Variants in KCND2 observed in about 807,000 individuals in gnomAD.
KCND2 encodes the protein potassium voltage-gated channel subfamily D member 2, also known as A-type voltage-gated potassium channel KCND2.
A neutral mutation model predicts 54.4 loss-of-function variants in KCND2; 16 were observed. The ratio of observed to expected loss-of-function variants is 0.29; its 90% CI spans 0.20 to 0.45. The LOEUF (loss-of-function observed/expected upper bound fraction) is 0.45, where lower values mean the gene tolerates loss of function less well. KCND2 is among the 20% of genes least tolerant of loss of function. The pLI, the probability that KCND2 is intolerant of heterozygous loss-of-function variation, is 1.00. For missense variants in KCND2, 486 were observed against 824.2 expected, an observed-to-expected ratio of 0.59 and a Z score of 5.02; for synonymous variants, 317 against 310.7, an observed-to-expected ratio of 1.02 and a Z score of -0.21.
At chr7:120,322,291 T>C (rs896482208) in intron 1 of KCND2, among the ~76,000 whole-genome samples, 1 of 152,080 alleles carries the variant, frequency 6.6e-6, no homozygotes, top group African/African-American at 2.4e-5. Context: ...TTTAGAAATA[T>C]AATGTAAATC....
At chr7:120,284,753 T>C (rs1395469595) in intron 1 of KCND2, among the ~76,000 whole-genome samples, 1 of 152,152 alleles carries the variant, frequency 6.6e-6, no homozygotes, top group Non-Finnish European at 1.5e-5. Flanking sequence ...CTAAGCTAGA[T>C]TTCTGGAAGA....
intron 1 of KCND2, among the ~76,000 whole-genome samples, chr7:120,729,735 C>A (rs1447106631): frequency 6.6e-6 from 1 of 152,180 alleles, no homozygotes; most frequent in Non-Finnish European, 1.5e-5. Flanking sequence ...TGCAGTCCTG[C>A]CCAGTCCTTG....
chr7:120,577,554 C>CAA (rs1792452224), intron 1 of KCND2, among the ~76,000 whole-genome samples: 1 of 151,934 alleles, frequency 6.6e-6, no homozygotes, highest in African/African-American at 2.4e-5. Context: ...ACAACAACAA[C>CAA]CGCAAACAAA....
intron 1 of KCND2, among the ~76,000 whole-genome samples, chr7:120,315,519 T>C (rs1344083490): frequency 6.6e-6 from 1 of 151,870 alleles, no homozygotes; most frequent in Non-Finnish European, 1.5e-5. Flanking sequence ...TGTATACTTC[T>C]CCAGTGAATC....
chr7:120,343,476 A>G (rs1303745843), intron 1 of KCND2, among the ~76,000 whole-genome samples: 4 of 152,176 alleles, frequency 2.6e-5, no homozygotes, highest in African/African-American at 9.7e-5. Context: ...AAAGGCTGGA[A>G]TACATTTTTT....
At chr7:120,652,339 G>T (rs973354609) in intron 1 of KCND2, among the ~76,000 whole-genome samples, 9 of 152,144 alleles carry the variant, frequency 5.9e-5, no homozygotes, top group African/African-American at 1.9e-4. Context: ...CTCCCAAAGT[G>T]CTGGGATTAC....
chr7:120,546,209 C>G (rs1792040760), intron 1 of KCND2, among the ~76,000 whole-genome samples: 1 of 151,814 alleles, frequency 6.6e-6, no homozygotes, highest in South Asian at 2.1e-4. Flanking sequence ...TTTTGAAAAT[C>G]AAATGTATTA....
chr7:120,321,638 A>G (rs769083621), intron 1 of KCND2, among the ~76,000 whole-genome samples: 12 of 152,136 alleles, frequency 7.9e-5, no homozygotes, highest in Non-Finnish European at 1.2e-4. Flanking sequence ...GTGAAAGTAC[A>G]TTGCATTGTG....
chr7:120,677,856 C>T (rs1792086243), intron 1 of KCND2, among the ~76,000 whole-genome samples: 1 of 152,006 alleles, frequency 6.6e-6, no homozygotes, highest in African/African-American at 2.4e-5. Flanking sequence ...CTAATGTAGG[C>T]TTATGTTTTA....
intron 1 of KCND2, among the ~76,000 whole-genome samples, chr7:120,325,839 T>C (rs538113982): frequency 6.6e-6 from 1 of 152,224 alleles, no homozygotes; most frequent in South Asian, 2.1e-4. Flanking sequence ...TGGGTACTGC[T>C]ATGTGGGGTC....
chr7:120,410,190 C>T (rs1191549854), intron 1 of KCND2, among the ~76,000 whole-genome samples: 2 of 151,930 alleles, frequency 1.3e-5, no homozygotes, highest in Non-Finnish European at 2.9e-5. Context: ...TGAAAATCAA[C>T]TGACCAAATG....
intron 1 of KCND2, among the ~76,000 whole-genome samples, chr7:120,555,817 T>A (rs779984784): frequency 7.9e-5 from 12 of 152,206 alleles, no homozygotes; most frequent in Non-Finnish European, 1.6e-4. Context: ...CTGGCTATAC[T>A]ACAGCACAGA....
At chr7:120,615,649 A>G (rs73423712) in intron 1 of KCND2, among the ~76,000 whole-genome samples, 3,226 of 152,216 alleles carry the variant, frequency 0.021, 107 homozygotes, top group African/African-American at 0.073. Context: ...TTTCTTCCCA[A>G]TTGCCAAGAT....
intron 1 of KCND2, among the ~76,000 whole-genome samples, chr7:120,442,416 A>G (rs1195823564): frequency 3.3e-5 from 5 of 152,234 alleles, no homozygotes; most frequent in Middle Eastern, 6.8e-3. Flanking sequence ...AACTCCTGAT[A>G]TAAAATAACT....
At chr7:120,579,056 A>G (rs1792478231) in intron 1 of KCND2, among the ~76,000 whole-genome samples, 3 of 152,150 alleles carry the variant, frequency 2.0e-5, no homozygotes. Context: ...TTAATAAGGA[A>G]GTTTTTCCAA....
chr7:120,562,266 A>G (rs1562873822), intron 1 of KCND2, among the ~76,000 whole-genome samples: 1 of 152,222 alleles, frequency 6.6e-6, no homozygotes, highest in Non-Finnish European at 1.5e-5. Flanking sequence ...AGACAACAAA[A>G]TTAACTGAGA....
chr7:120,634,696 A>G (rs1289723045), intron 1 of KCND2, among the ~76,000 whole-genome samples: 1 of 152,210 alleles, frequency 6.6e-6, no homozygotes, highest in Non-Finnish European at 1.5e-5. Context: ...CTGCACAGCC[A>G]AAGTGAAATT....
chr7:120,303,264 T>C (rs1304388022), intron 1 of KCND2, among the ~76,000 whole-genome samples: 1 of 152,186 alleles, frequency 6.6e-6, no homozygotes, highest in African/African-American at 2.4e-5. Context: ...GAGTTTTGTT[T>C]CTAGAGATAC....
intron 1 of KCND2, among the ~76,000 whole-genome samples, chr7:120,328,001 A>C (rs1045544918): frequency 1.3e-5 from 2 of 152,152 alleles, no homozygotes; most frequent in African/African-American, 4.8e-5. Context: ...ATGAGCACCT[A>C]TCAAGCTCTA....
Sources: allele counts gnomAD v4.1 joint callset (sites outside exome capture counted in the v4.1 genomes callset), GRCh38; gene constraint gnomAD v4.1.1; transcripts MANE v1.5; gene names NCBI Gene and HGNC (gene_info 2026-07-23, HGNC 2026-07-21).